Variants in XKR6 observed in about 807,000 individuals in gnomAD.
XKR6 encodes the protein XK related 6.
In XKR6, 22 loss-of-function variants were observed where a neutral mutation model predicts 56.7. The observed-to-expected ratio is 0.39, with a 90% CI of 0.28 to 0.55. XKR6 has a LOEUF of 0.55. Among genes scored for constraint, XKR6 ranks in the 20% least tolerant of loss-of-function variants. The pLI, the probability that XKR6 is intolerant of heterozygous loss-of-function variation, is 0.66. For missense variants in XKR6, 852 were observed against 889.0 expected, an observed-to-expected ratio of 0.96 and a Z score of 0.53; for synonymous variants, 524 against 387.8, an observed-to-expected ratio of 1.35 and a Z score of -4.13.
intron 1 of XKR6, among the ~76,000 whole-genome samples, chr8:11,071,596 G>A (rs567036477): frequency 1.4e-5 from 2 of 146,942 alleles, no homozygotes; most frequent in Admixed American, 6.8e-5. Context: ...CATGAGCCCC[G>A]AGTCTATCAG....
intron 1 of XKR6, among the ~76,000 whole-genome samples, chr8:11,077,680 A>G (rs1237337064): frequency 6.6e-6 from 1 of 152,144 alleles, no homozygotes; most frequent in East Asian, 1.9e-4. Flanking sequence ...TTCCCCGCCC[A>G]GCTCCCTCTT....
At chr8:11,115,603 G>A (rs971442145) in intron 1 of XKR6, among the ~76,000 whole-genome samples, 1 of 151,216 alleles carries the variant, frequency 6.6e-6, no homozygotes, top group Non-Finnish European at 1.5e-5. Flanking sequence ...ATATACCAAT[G>A]ACATTTTTTA....
chr8:11,099,989 C>A (rs921093905), intron 1 of XKR6, among the ~76,000 whole-genome samples: 1 of 152,120 alleles, frequency 6.6e-6, no homozygotes, highest in Admixed American at 6.5e-5. Context: ...GGCACCCTAG[C>A]GGGTTGGGCG....
At chr8:10,959,230 G>C (rs1251422761) in intron 1 of XKR6, among the ~76,000 whole-genome samples, 1 of 152,140 alleles carries the variant, frequency 6.6e-6, no homozygotes, top group Non-Finnish European at 1.5e-5. Context: ...GTGAGGCCTG[G>C]CCTGGAGACC....
At chr8:11,130,628 A>C (rs4841499) in intron 1 of XKR6, among the ~76,000 whole-genome samples, 41,407 of 150,488 alleles carry the variant, frequency 0.28, 7,017 homozygotes, top group Middle Eastern at 0.39. Context: ...TTTTTTTTTA[A>C]GTTAACTATC....
At chr8:11,111,035 T>C (rs1324361877) in intron 1 of XKR6, among the ~76,000 whole-genome samples, 5 of 147,780 alleles carry the variant, frequency 3.4e-5, no homozygotes, top group South Asian at 2.2e-4. Flanking sequence ...TTTTTTTTTT[T>C]AGTAGAGACA....
intron 1 of XKR6, among the ~76,000 whole-genome samples, chr8:10,928,136 T>C (rs537432832): frequency 6.6e-6 from 1 of 152,294 alleles, no homozygotes; most frequent in African/African-American, 2.4e-5. Flanking sequence ...ACCCCCACTT[T>C]ATAGTGGAGG....
intron 1 of XKR6, among the ~76,000 whole-genome samples, chr8:11,140,974 C>G (rs1800667239): frequency 6.7e-6 from 1 of 149,302 alleles, no homozygotes; most frequent in Non-Finnish European, 1.5e-5. Flanking sequence ...ACTCCAAAGA[C>G]ATATATGAAA....
At chr8:11,026,904 C>G (rs1041923703) in intron 1 of XKR6, among the ~76,000 whole-genome samples, 2 of 152,004 alleles carry the variant, frequency 1.3e-5, no homozygotes, top group Non-Finnish European at 2.9e-5. Flanking sequence ...GTCTAGCCTA[C>G]TACACACCTA....
intron 1 of XKR6, among the ~76,000 whole-genome samples, chr8:10,958,753 G>A (rs749527731): frequency 4.9e-4 from 74 of 152,298 alleles, no homozygotes; most frequent in Non-Finnish European, 9.0e-4. Context: ...CTCCTTCTCT[G>A]TCCTACAGAG....
rs1471380010 is a variant in XKR6 at position 11,043,745 on chromosome 8, G to T, written c.765-118915C>A. 4.6e-5 allele frequency among the ~76,000 whole-genome samples: 7 copies of T among 152,332 alleles called. 1 individual carries two copies. The highest frequency in any genetic ancestry group is 1.4e-4 in the African/African-American group (6 of 41,582). The stretch of plus-strand genomic sequence containing the variant: ...AAAACTAAGTTCCCGCCCATGACAG[G>T]ACAGGAGGTTGGATGCACCTCATTA... On this transcript the variant is annotated intron_variant, in intron 1 of 2. Transcript: ENST00000416569.
chr8:10,968,488 C>G (rs1175092647), intron 1 of XKR6, among the ~76,000 whole-genome samples: 1 of 152,214 alleles, frequency 6.6e-6, no homozygotes. Context: ...GAGACAGTGT[C>G]GTGGGCTCCT....
chr8:11,135,362 T>A (rs563607941), intron 1 of XKR6, among the ~76,000 whole-genome samples: 1 of 152,140 alleles, frequency 6.6e-6, no homozygotes, highest in Non-Finnish European at 1.5e-5. Context: ...GACAAAAATA[T>A]TGAGTTTCTG....
intron 1 of XKR6, among the ~76,000 whole-genome samples, chr8:11,150,725 C>G (rs564565401): frequency 6.6e-6 from 1 of 151,866 alleles, no homozygotes; most frequent in African/African-American, 2.4e-5. Context: ...TGGTGGCGGG[C>G]GCCTATAATC....
intron 1 of XKR6, among the ~76,000 whole-genome samples, chr8:11,195,580 A>C (rs1446381425): frequency 1.3e-5 from 2 of 151,882 alleles, no homozygotes; most frequent in Non-Finnish European, 2.9e-5. Context: ...TTTTTTGACT[A>C]CTCAAACACA....
At chr8:10,960,802 C>T (rs1015044046) in intron 1 of XKR6, among the ~76,000 whole-genome samples, 1 of 152,204 alleles carries the variant, frequency 6.6e-6, no homozygotes, top group Non-Finnish European at 1.5e-5. Context: ...GCAGCACACA[C>T]AGCGTAAGGG....
chr8:11,070,849 C>A (rs1429930211), intron 1 of XKR6, among the ~76,000 whole-genome samples: 3 of 152,192 alleles, frequency 2.0e-5, no homozygotes, highest in African/African-American at 7.2e-5. Context: ...AAGACGGAAG[C>A]CTTCTGCCTT....
Position 11,021,194 on chromosome 8 carries a change from G to A in XKR6, c.765-96364C>T, listed in dbSNP as rs115273408. Among the ~76,000 whole-genome samples, 572 of 152,290 alleles carry A rather than the reference G, an allele frequency of 3.8e-3. 4 individuals are homozygous for A. Among genetic ancestry groups the A allele is most frequent in the African/African-American group, 0.013 (544 of 41,558 alleles). On this transcript the variant is annotated intron_variant, in intron 1 of 2. Coordinates refer to ENST00000416569, the MANE Select transcript of XKR6 (RefSeq NM_173683.4). Reference sequence around the variant, plus strand: ...CAGAAACTCTGTGTCCTAAGACACTGCAGCCTCTTACAGGAAGGCACTGCA... The same window carrying A: ...CAGAAACTCTGTGTCCTAAGACACTACAGCCTCTTACAGGAAGGCACTGCA...
chr8:11,085,761 A>G (rs1420484464), intron 1 of XKR6, among the ~76,000 whole-genome samples: 1 of 152,150 alleles, frequency 6.6e-6, no homozygotes, highest in Admixed American at 6.5e-5. Flanking sequence ...GCCCTGGGAC[A>G]GCAACGGTCT....
Sources: gnomAD v4.1 joint callset for allele counts (sites outside exome capture counted in the v4.1 genomes callset) on GRCh38, gnomAD v4.1.1 for gene constraint, MANE v1.5 for transcripts, NCBI Gene and HGNC (gene_info 2026-07-23, HGNC 2026-07-21) for gene names.